The following ELMOD3 variants were observed in gnomAD, a reference collection of about 807,000 sequenced individuals.
ELMOD3 encodes the protein ELMO domain-containing protein 3.
A neutral mutation model predicts 47.4 loss-of-function variants in ELMOD3; 36 were observed. That is an observed-to-expected ratio of 0.76 (90% CI 0.58 to 1.00). The LOEUF (loss-of-function observed/expected upper bound fraction) is 1.00, where lower values mean the gene tolerates loss of function less well. Ranked by LOEUF, ELMOD3 falls within the 50% of genes least tolerant of loss-of-function variation. The pLI is 0.00. For synonymous variants in ELMOD3, 149 were observed against 183.5 expected (o/e 0.81, Z 1.52); for missense variants, 404 against 463.8 (o/e 0.87, Z 1.18).
rs1286453945 is a variant in ELMOD3, at chr2:85,368,683, C to G, written c.200-3C>G. On this transcript the variant is annotated splice_polypyrimidine_tract_variant and splice_region_variant and intron_variant, in intron 6 of 13. Coordinates refer to ENST00000409013, the MANE Select transcript of ELMOD3 (RefSeq NM_001135022.2). ...AGGGTCTCCTTTTCTCCTACTATTG[C>G]AGTTGTGAGTACAGAGGTGGTCAGA... The G allele has an allele frequency of 1.2e-6, 2 of 1,613,952 alleles. No individual in the cohort carries two copies. The highest frequency in any genetic ancestry group is 1.7e-5 in the Admixed American group (1 of 60,000).
At chr2:85,371,383 A>G in intron 9 of ELMOD3, 57 bp from the exon 10 acceptor site, 1 of 1,609,028 alleles carries the variant, frequency 6.2e-7, no homozygotes. Context: ...TCTGAGAAGC[A>G]CCCGGTTCTC....
chr2:85,377,871 T>C (rs573938996), intron 11 of ELMOD3, among the ~76,000 whole-genome samples: 52 of 152,356 alleles, frequency 3.4e-4, no homozygotes, highest in African/African-American at 1.2e-3. Flanking sequence ...ACTTGACCCA[T>C]ATACTTTACT....
intron 3 of ELMOD3, chr2:85,355,995 C>T (rs1683524309): frequency 6.6e-6 from 1 of 152,248 alleles, no homozygotes; most frequent in Non-Finnish European, 1.5e-5. Context: ...GGCTACCCTC[C>T]TTCCTTAGTC....
rs1243124429 is a variant in ELMOD3 at position 85,390,241 on chromosome 2, T to G, written c.919T>G (p.Ser307Ala). Reference protein sequence around the residue: ...HVWRTQRKTISDSGFVLKELE... With the variant: ...HVWRTQRKTIADSGFVLKELE... ...CTGGAGGACACAGCGGAAGACCATC[T>G]CAGACTCGGGCTTTGTCCTCAAAGG... The change falls in exon 13 of 14, where the codon TCA (serine) becomes GCA (alanine). Residue 307 changes from serine to alanine, a missense_variant. Ser to Ala is a moderately conservative substitution (Grantham distance 99). Transcript: ENST00000409013. 3 of 1,614,072 alleles carry G rather than the reference T, an allele frequency of 1.9e-6. No homozygotes were observed. Among genetic ancestry groups the G allele is most frequent in the Non-Finnish European group, 2.5e-6 (3 of 1,180,052 alleles).
In ELMOD3 at chr2:85,390,935, C is replaced by T. The variant is rs1411086321; in HGVS notation, c.1119C>T (p.His373=). The T allele has an allele frequency of 9.7e-6, 15 of 1,551,714 alleles. No homozygotes were observed. Among genetic ancestry groups the T allele is most frequent in the Non-Finnish European group, 1.3e-5 (15 of 1,146,988 alleles). Residue 373 remains histidine (H), a synonymous_variant, in exon 14 of 14, where the codon CAC becomes CAT. Transcript: ENST00000409013. ...CAGGTGAGAGTGACCTGCAGTCTCA[C>T]TCATCCGAAGGCGTATGGCTGATCT... The part of the protein sequence containing the change: ...TFTGESDLQS[H]SSEGVWLI
rs115764649 is a variant in ELMOD3 at position 85,357,571 on chromosome 2, T to C, written c.54+319T>C. The C allele has an allele frequency of 8.3e-3, 1,708 of 205,810 alleles. 24 individuals carry two copies. Among genetic ancestry groups the C allele is most frequent in the African/African-American group, 0.037 (1,599 of 42,808 alleles). The allele number at this position is 205,810 out of a possible 1,614,324, so 12.7% of individuals were successfully genotyped here. On this transcript the variant is annotated intron_variant, in intron 4 of 13. Transcript: ENST00000409013. ...AGCCTCTTCCCTGTGAAACGCTTGC[T>C]TTGGCCTGATCATCCTCAGGACTCA...
At chr2:85,382,116 C>CA (rs59898267) in intron 11 of ELMOD3, among the ~76,000 whole-genome samples, 428 of 39,758 alleles carry the variant, frequency 0.011, 5 homozygotes, top group African/African-American at 0.013. Context: ...GACTCCTTCT[C>CA]AAAAAAAAAA....
At chr2:85,369,182 G>A (rs1229763652) in intron 7 of ELMOD3, among the ~76,000 whole-genome samples, 2 of 152,204 alleles carry the variant, frequency 1.3e-5, no homozygotes, top group Admixed American at 6.5e-5. Context: ...AGTAAAAATT[G>A]TCTCCTGTTT....
At position 85,377,339 on chromosome 2, in the gene ELMOD3, T is replaced by A. The variant is rs1685228380; in HGVS notation, c.608-5T>A. The A allele has an allele frequency of 6.3e-7, 1 of 1,594,338 alleles. No individual in the cohort carries two copies. Among genetic ancestry groups the A allele is most frequent in the Non-Finnish European group, 8.5e-7 (1 of 1,170,922 alleles). ...CACCCTGTTTCCTCACGGTCTCTGTTACAGGAGCGAATCCAGCCACAGACC... is the reference window on the plus strand; with the variant it reads ...CACCCTGTTTCCTCACGGTCTCTGTAACAGGAGCGAATCCAGCCACAGACC... On this transcript the variant is annotated splice_region_variant and splice_polypyrimidine_tract_variant and intron_variant, in intron 10 of 13. Transcript: ENST00000409013.
rs1463647327 is a variant in ELMOD3, at chr2:85,363,186, C to T, written c.199+20C>T. The T allele has an allele frequency of 1.3e-6, 2 of 1,532,502 alleles. No homozygotes were observed. The highest frequency in any genetic ancestry group is 1.1e-5 in the South Asian group (1 of 88,882). The allele number at this position is 1,532,502 out of a possible 1,614,324, so 94.9% of individuals were successfully genotyped here. On this transcript the variant is annotated intron_variant, in intron 6 of 13. Coordinates refer to ENST00000409013, the MANE Select transcript of ELMOD3 (RefSeq NM_001135022.2). ...CACGTGGTAAGGTTCCCTTCAGGGC[C>T]CTTGGAGTCTGGGTGGGACCCAAGT...
chr2:85,388,177 A>C (rs1686071401), intron 11 of ELMOD3, among the ~76,000 whole-genome samples: 1 of 151,864 alleles, frequency 6.6e-6, no homozygotes, highest in Admixed American at 6.6e-5. Context: ...TTTTGTAGAG[A>C]CAGGATCTCA....
Position 85,390,119 on chromosome 2 carries a change from C to A in ELMOD3, c.816-19C>A, listed in dbSNP as rs533795562. 19 of 1,607,896 alleles carry A rather than the reference C, an allele frequency of 1.2e-5. No homozygotes were observed. The highest frequency in any genetic ancestry group is 1.6e-5 in the Non-Finnish European group (19 of 1,174,332). On this transcript the variant is annotated intron_variant, in intron 12 of 13. Coordinates refer to ENST00000409013, the MANE Select transcript of ELMOD3 (RefSeq NM_001135022.2). The stretch of plus-strand genomic sequence containing the variant: ...CCTTCATCCACCGCTGAGCAGGTCA[C>A]CTTGCCTTTTTCCTGCAGAGAGTGT...
chr2:85,382,623 C>G (rs541613952), intron 11 of ELMOD3, among the ~76,000 whole-genome samples: 9 of 151,032 alleles, frequency 6.0e-5, no homozygotes, highest in African/African-American at 1.9e-4. Flanking sequence ...TCAAGTGATT[C>G]TTCTGCCTCA....
chr2:85,371,329 T>A, intron 9 of ELMOD3, 111 bp from the exon 10 acceptor site: 1 of 1,599,074 alleles, frequency 6.3e-7, no homozygotes, highest in Non-Finnish European at 8.6e-7. Context: ...CGGGTGAGAG[T>A]GGGAGCTGAG....
chr2:85,380,978 A>G (rs1685500025), intron 11 of ELMOD3, among the ~76,000 whole-genome samples: 1 of 152,220 alleles, frequency 6.6e-6, no homozygotes, highest in Non-Finnish European at 1.5e-5. Context: ...TAACATAACA[A>G]TTATAATTAT....
intron 6 of ELMOD3, among the ~76,000 whole-genome samples, chr2:85,365,614 A>G (rs1428029156): frequency 1.3e-5 from 2 of 152,178 alleles, no homozygotes; most frequent in Non-Finnish European, 2.9e-5. Flanking sequence ...CCCTCATTCC[A>G]AGAGAAAAGG....
At chr2:85,368,581 T>C in intron 6 of ELMOD3, 105 bp from the exon 7 acceptor site, 1 of 908,144 alleles carries the variant, frequency 1.1e-6, no homozygotes, top group Non-Finnish European at 1.6e-6. Context: ...CCCCATCTCT[T>C]AAAAAAAAAA....
chr2:85,390,568 G>A (rs1190209481), intron 13 of ELMOD3, 192 bp from the exon 14 acceptor site: 3 of 1,553,348 alleles, frequency 1.9e-6, no homozygotes, highest in Non-Finnish European at 8.7e-7. Flanking sequence ...AAGGTAGAGT[G>A]TGTGGTCCCT....
At chr2:85,381,999 C>CGGGAGG (rs1685572035) in intron 11 of ELMOD3, among the ~76,000 whole-genome samples, 1 of 149,430 alleles carries the variant, frequency 6.7e-6, no homozygotes, top group Non-Finnish European at 1.5e-5. Flanking sequence ...TGCCTGTAAT[C>CGGGAGG]CCAGCTACTC....
Sources: allele counts gnomAD v4.1 joint callset (sites outside exome capture counted in the v4.1 genomes callset), GRCh38; gene constraint gnomAD v4.1.1; transcripts MANE v1.5; gene names NCBI Gene and HGNC (gene_info 2026-07-23, HGNC 2026-07-21).